TANC2: variants seen among roughly 807,000 people sequenced by gnomAD.
TANC2 encodes protein TANC2.
TANC2 carries 26 observed loss-of-function variants against 210.5 expected under a neutral mutation model. That is an observed-to-expected ratio of 0.12 (90% CI 0.09 to 0.17). The LOEUF (loss-of-function observed/expected upper bound fraction) is 0.17. Among genes scored for constraint, TANC2 ranks in the 10% least tolerant of loss-of-function variants. The probability of loss-of-function intolerance (pLI) is 1.00; values close to 1 mark genes in which losing one functional copy is unlikely to be tolerated. For synonymous variants in TANC2, 931 were observed against 967.1 expected, an observed-to-expected ratio of 0.96 and a Z score of 0.69; for missense variants, 2,129 against 2,608.9, an observed-to-expected ratio of 0.82 and a Z score of 4.01.
chr17:63,413,773 A>G (rs929351736), intron 25 of TANC2, 139 bp downstream of exon 25: 11 of 759,298 alleles, frequency 1.4e-5, no homozygotes, highest in Admixed American at 1.4e-4. Flanking sequence ...ATGGCCTCAT[A>G]TGTTGGGGAT....
At chr17:63,011,024 G>T (rs932506043) in intron 2 of TANC2, among the ~76,000 whole-genome samples, 3 of 152,028 alleles carry the variant, frequency 2.0e-5, no homozygotes, top group Admixed American at 1.3e-4. Flanking sequence ...CTCCTCTCTA[G>T]AAATCAGACG....
At chr17:63,257,174 C>T (rs974652931) in intron 8 of TANC2, among the ~76,000 whole-genome samples, 3 of 150,910 alleles carry the variant, frequency 2.0e-5, no homozygotes. Flanking sequence ...GAAAGACTTA[C>T]TCCTGCCATT....
chr17:62,975,894 T>C (rs2031974432), intron 1 of TANC2, among the ~76,000 whole-genome samples: 1 of 152,178 alleles, frequency 6.6e-6, no homozygotes, highest in Non-Finnish European at 1.5e-5. Context: ...TCCTAAATTT[T>C]TCTTTTTTGA....
intron 12 of TANC2, among the ~76,000 whole-genome samples, chr17:63,350,103 A>G (rs1395744342): frequency 6.6e-6 from 1 of 152,218 alleles, no homozygotes; most frequent in Non-Finnish European, 1.5e-5. Flanking sequence ...CTTATTAATC[A>G]TTGCAAAAGA....
At chr17:63,252,349 T>C (rs984666673) in intron 8 of TANC2, among the ~76,000 whole-genome samples, 1 of 152,108 alleles carries the variant, frequency 6.6e-6, no homozygotes, top group African/African-American at 2.4e-5. Context: ...ACCTCAAGCA[T>C]TGATTATTTT....
chr17:63,275,036 A>G (rs1163784149), intron 9 of TANC2, among the ~76,000 whole-genome samples: 4 of 152,164 alleles, frequency 2.6e-5, no homozygotes, highest in African/African-American at 9.6e-5. Context: ...CTTATGATGG[A>G]TTATATAAAG....
intron 2 of TANC2, among the ~76,000 whole-genome samples, chr17:63,038,274 A>G (rs1421204974): frequency 6.6e-6 from 1 of 152,182 alleles, no homozygotes; most frequent in Non-Finnish European, 1.5e-5. Flanking sequence ...AAGTAATAAG[A>G]TCATATGAGT....
chr17:63,304,893 G>A (rs2044846724), intron 9 of TANC2, among the ~76,000 whole-genome samples: 1 of 152,198 alleles, frequency 6.6e-6, no homozygotes, highest in Non-Finnish European at 1.5e-5. Flanking sequence ...CAGCTGTGAA[G>A]GACACCTCTT....
At chr17:63,057,381 G>T (rs2035843732) in intron 2 of TANC2, among the ~76,000 whole-genome samples, 1 of 152,032 alleles carries the variant, frequency 6.6e-6, no homozygotes, top group Non-Finnish European at 1.5e-5. Flanking sequence ...TTGTTAAAGT[G>T]AATCTTTATT....
chr17:63,159,248 C>T (rs995722977), intron 5 of TANC2, among the ~76,000 whole-genome samples: 2 of 152,066 alleles, frequency 1.3e-5, no homozygotes, highest in African/African-American at 4.8e-5. Flanking sequence ...TATTGGGACC[C>T]ATTGAAGAAG....
chr17:63,099,188 A>G (rs749451538), exon 4 of TANC2: 12 of 1,609,988 alleles, frequency 7.5e-6, no homozygotes, highest in Non-Finnish European at 9.3e-6. Context: ...GCATCTCCAC[A>G]GAAAGCGACT....
chr17:63,281,193 T>G (rs559717936), intron 9 of TANC2, among the ~76,000 whole-genome samples: 1 of 152,262 alleles, frequency 6.6e-6, no homozygotes, highest in Non-Finnish European at 1.5e-5. Flanking sequence ...AGGACAAACT[T>G]GTATTTTCAA....
intron 4 of TANC2, among the ~76,000 whole-genome samples, chr17:63,142,881 A>G (rs1441734146): frequency 6.6e-6 from 1 of 151,990 alleles, no homozygotes; most frequent in East Asian, 1.9e-4. Flanking sequence ...TCTGCAATAC[A>G]TTTTTCTCTT....
At chr17:63,307,422 G>A (rs960733985) in intron 9 of TANC2, among the ~76,000 whole-genome samples, 1 of 152,122 alleles carries the variant, frequency 6.6e-6, no homozygotes, top group Non-Finnish European at 1.5e-5. Context: ...ATTCATGTAA[G>A]TTTCCTTCCC....
intron 4 of TANC2, among the ~76,000 whole-genome samples, chr17:63,123,420 G>A (rs1385986842): frequency 6.6e-6 from 1 of 151,854 alleles, no homozygotes; most frequent in African/African-American, 2.4e-5. Flanking sequence ...TTAGCCAGAT[G>A]TGATGGCTGG....
chr17:63,119,902 C>A (rs761497869), intron 4 of TANC2, among the ~76,000 whole-genome samples: 11 of 151,928 alleles, frequency 7.2e-5, no homozygotes, highest in Non-Finnish European at 1.3e-4. Context: ...TGCCTCTGGT[C>A]CCAGCTACTT....
chr17:63,018,220 G>A (rs577194672), intron 2 of TANC2, among the ~76,000 whole-genome samples: 1 of 152,216 alleles, frequency 6.6e-6, no homozygotes, highest in African/African-American at 2.4e-5. Context: ...GCCAGGCGCC[G>A]TGGCTCATGC....
chr17:63,148,675 C>T (rs919243357), intron 4 of TANC2: 3 of 152,106 alleles, frequency 2.0e-5, no homozygotes, highest in African/African-American at 7.2e-5. Context: ...ATTGTTCCTA[C>T]CCATCTCATC....
intron 7 of TANC2, among the ~76,000 whole-genome samples, chr17:63,210,777 A>G (rs2041861668): frequency 6.6e-6 from 1 of 152,194 alleles, no homozygotes; most frequent in Non-Finnish European, 1.5e-5. Flanking sequence ...CACTGTCTTC[A>G]TGCAATAAAT....
Sources: allele counts gnomAD v4.1 joint callset (sites outside exome capture counted in the v4.1 genomes callset), GRCh38; gene constraint gnomAD v4.1.1; transcripts MANE v1.5; gene names NCBI Gene and HGNC (gene_info 2026-07-23, HGNC 2026-07-21).